Variants in SS18L1 observed in about 807,000 individuals in gnomAD.
SS18L1 encodes the protein SS18L1 subunit of BAF chromatin remodeling complex.
In SS18L1, 32 loss-of-function variants were observed where a neutral mutation model predicts 70.3. That is an observed-to-expected ratio of 0.46 (90% confidence interval 0.34 to 0.61). The LOEUF (loss-of-function observed/expected upper bound fraction) is 0.61. SS18L1 is among the 20% of genes least tolerant of loss of function. SS18L1 has a pLI of 0.01. For synonymous variants in SS18L1, 237 were observed against 229.7 expected, an observed-to-expected ratio of 1.03 and a Z score of -0.29; for missense variants, 430 against 542.1, an observed-to-expected ratio of 0.79 and a Z score of 2.05.
At chr20:62,146,299 C>A (rs1293869655) in intron 1 of SS18L1, among the ~76,000 whole-genome samples, 1 of 152,222 alleles carries the variant, frequency 6.6e-6, no homozygotes, top group Non-Finnish European at 1.5e-5. Flanking sequence ...CTTTGCTGAT[C>A]CCCAGCCTCT....
At position 62,150,633 on chromosome 20, in the gene SS18L1, ATTTTTTTTTTTTTTTTTTT is replaced by A. The variant is rs34708339; in HGVS notation, c.69+6763_69+6781del. Among the ~76,000 whole-genome samples, 270 of 58,058 alleles carry A rather than the reference ATTTTTTTTTTTTTTTTTTT, an allele frequency of 4.7e-3. 17 individuals are homozygous for A. The highest frequency in any genetic ancestry group is 0.036 in the Admixed American group (162 of 4,462). The allele number at this position is 58,058 out of a possible 152,430, so 38.1% of individuals were successfully genotyped here. ...CGGAGCATAAGAAACATTGAGGTGG[ATTTTTTTTTTTTTTTTTTT>A]TTTTTTTTTTTTTTTTTTGGAGACA... On this transcript the variant is annotated intron_variant, in intron 1 of 10. Coordinates refer to ENST00000331758, the MANE Select transcript of SS18L1 (RefSeq NM_198935.3).
chr20:62,163,025 C>A, intron 5 of SS18L1, 94 bp downstream of exon 5: 1 of 1,496,896 alleles, frequency 6.7e-7, no homozygotes, highest in Non-Finnish European at 9.0e-7. Flanking sequence ...GGGGAAGCTG[C>A]CCTCCTGCTG....
chr20:62,149,422 G>A, intron 1 of SS18L1, among the ~76,000 whole-genome samples: 1 of 152,366 alleles, frequency 6.6e-6, no homozygotes, highest in East Asian at 1.9e-4. Context: ...CACCACAGCT[G>A]CTGTGCACAA....
At position 62,158,719 on chromosome 20, in the gene SS18L1, G is replaced by C; in HGVS notation, c.117G>C (p.Gln39His). The C allele has an allele frequency of 1.9e-6, 3 of 1,612,960 alleles. No homozygotes were observed. Among genetic ancestry groups the C allele is most frequent in the Non-Finnish European group, 2.5e-6 (3 of 1,180,034 alleles). ...TGATCCAGTGCATCCTGGAGTACCA[G>C]AGCAAGGGCAAGACGGCCGAGTGCA... ...HHLIQCILEY[Q>H]SKGKTAECTQ... is the part of the protein sequence containing the mutation. The change falls in exon 2 of 11, where the codon CAG (glutamine) becomes CAC (histidine). Residue 39 changes from glutamine to histidine, a missense_variant. Coordinates refer to ENST00000331758, the MANE Select transcript of SS18L1 (RefSeq NM_198935.3). This position sits in a 1 kb window ranked among gnomAD's most constrained non-coding sequence, Gnocchi z 4.5.
At chr20:62,172,547 T>A in intron 8 of SS18L1, 135 bp from the exon 9 acceptor site, 1 of 1,305,988 alleles carries the variant, frequency 7.7e-7, no homozygotes, top group Non-Finnish European at 1.1e-6. Flanking sequence ...TTTGAATGGT[T>A]GTGAAAAAAT....
intron 7 of SS18L1, 35 bp downstream of exon 7, chr20:62,164,281 A>G (rs1324460520): frequency 6.5e-6 from 10 of 1,535,738 alleles, no homozygotes; most frequent in Non-Finnish European, 8.8e-6. Flanking sequence ...CCGCCCAGGA[A>G]CGCAGAGCAG....
In SS18L1 at chr20:62,164,163, T is replaced by G. The variant is rs1053319168; in HGVS notation, c.740T>G (p.Leu247Arg). 20 of 1,549,828 alleles carry G rather than the reference T, an allele frequency of 1.3e-5. No individual in the cohort carries two copies. Among genetic ancestry groups the G allele is most frequent in the Non-Finnish European group, 1.7e-5 (19 of 1,146,564 alleles). ...CCCGCAGGCTCTTCCCAGCAGTACC[T>G]GGGCCAGGAGGAGTACTATGGCGAG... ...PSQQGSSQQYLGQEEYYGEQY... is the reference protein window; with the variant it reads ...PSQQGSSQQYRGQEEYYGEQY... Residue 247 changes from leucine (L) to arginine (R), a missense_variant, in exon 7 of 11, where the codon CTG (leucine) becomes CGG (arginine). Transcript: ENST00000331758.
At chr20:62,144,006 C>A in intron 1 of SS18L1, 117 bp downstream of exon 1, 1 of 618,270 alleles carries the variant, frequency 1.6e-6, no homozygotes, top group South Asian at 6.8e-5. Context: ...CGCAGCCGGG[C>A]GGCCGCGAGC....
chr20:62,153,597 C>G (rs1049286460), intron 1 of SS18L1, among the ~76,000 whole-genome samples: 6 of 152,170 alleles, frequency 3.9e-5, no homozygotes, highest in African/African-American at 9.7e-5. Flanking sequence ...ACACCTTGCT[C>G]ACTGCTGAAC....
chr20:62,179,117 G>T lies in SS18L1; in HGVS notation c.1165-65G>T. 4.4e-6 allele frequency: 7 copies of T among 1,582,898 alleles called. No homozygotes were observed. In the South Asian group the frequency reaches 4.4e-5, roughly 10 times the overall value. ...CCTCCTACCCCCTGTCCGGGCTGGG[G>T]TGGACGTCTGTCTTCCTTTCACTCA... On this transcript the variant is annotated intron_variant, in intron 10 of 10. Transcript: ENST00000331758.
intron 1 of SS18L1, among the ~76,000 whole-genome samples, chr20:62,156,209 G>A (rs994717522): frequency 6.6e-6 from 1 of 152,194 alleles, no homozygotes; most frequent in Non-Finnish European, 1.5e-5. Flanking sequence ...TGTCTAGTTC[G>A]TGTCCCTGGA....
intron 10 of SS18L1, among the ~76,000 whole-genome samples, chr20:62,178,141 CTTTTTTT>C (rs61157167): frequency 0.02 from 1,908 of 97,806 alleles, 21 homozygotes; most frequent in Admixed American, 0.038. Flanking sequence ...GTGGCTTATT[CTTTTTTT>C]TTTTTTTTTT....
At chr20:62,157,903 G>T (rs1601009407) in intron 1 of SS18L1, among the ~76,000 whole-genome samples, 1 of 150,742 alleles carries the variant, frequency 6.6e-6, no homozygotes, top group Admixed American at 6.6e-5. Flanking sequence ...TTCTTCTACC[G>T]GTGGTGCCGT....
At position 62,161,788 on chromosome 20, in the gene SS18L1, G is replaced by T. The variant is rs1332103248; in HGVS notation, c.376+208G>T. Among the ~76,000 whole-genome samples the T allele has an allele frequency of 2.0e-5, 3 of 152,254 alleles. No individual in the cohort carries two copies. ...GCGGCTGGGCTGAGCCCCTGCTCCAGTTGTCCACTCTCTCTGACACTGTCA... is the reference window on the plus strand; with the variant it reads ...GCGGCTGGGCTGAGCCCCTGCTCCATTTGTCCACTCTCTCTGACACTGTCA... On this transcript the variant is annotated intron_variant, in intron 4 of 10. Transcript: ENST00000331758. This position sits in a 1 kb window ranked among gnomAD's most constrained non-coding sequence, Gnocchi z 4.4.
rs1016743224 is a variant in SS18L1 at position 62,159,618 on chromosome 20, C to T, written c.147-259C>T. Among the ~76,000 whole-genome samples, 21 of 152,134 alleles carry T rather than the reference C, an allele frequency of 1.4e-4. No homozygotes were observed. The highest frequency in any genetic ancestry group is 3.6e-4 in the African/African-American group (15 of 41,432). ...AATGCCAGCTTCCGCTTAGCTGTTA[C>T]CTTAGAGTCTTTCCAGAGTTTTTGT... On this transcript the variant is annotated intron_variant, in intron 2 of 10. Coordinates refer to ENST00000331758, the MANE Select transcript of SS18L1 (RefSeq NM_198935.3). This position sits in a 1 kb window ranked among gnomAD's most constrained non-coding sequence, Gnocchi z 4.4.
rs923999188 is a variant in SS18L1 at position 62,158,370 on chromosome 20, A to G, written c.70-302A>G. The stretch of plus-strand genomic sequence containing the variant: ...GTAACGACAGTTTCGTATACAGAAC[A>G]GGCGTAGCATCCGAGATCTGGAAAT... On this transcript the variant is annotated intron_variant, in intron 1 of 10. Coordinates refer to ENST00000331758, the MANE Select transcript of SS18L1 (RefSeq NM_198935.3). The surrounding 1 kb of genome is among the most constrained non-coding windows in gnomAD (Gnocchi z 4.5). Among the ~76,000 whole-genome samples the G allele has an allele frequency of 1.3e-5, 2 of 151,396 alleles. No homozygotes were observed. Among genetic ancestry groups the G allele is most frequent in the Non-Finnish European group, 2.9e-5 (2 of 67,930 alleles).
chr20:62,143,913 G>T, intron 1 of SS18L1, 24 bp downstream of exon 1: 1 of 1,048,922 alleles, frequency 9.5e-7, no homozygotes. Flanking sequence ...GAGCGGCGGC[G>T]CTGGGCGGCG....
At chr20:62,166,345 A>G (rs2057431163) in intron 8 of SS18L1, among the ~76,000 whole-genome samples, 1 of 152,238 alleles carries the variant, frequency 6.6e-6, no homozygotes, top group Admixed American at 6.5e-5. Flanking sequence ...GCAATTTATC[A>G]AGAGGTAACA....
chr20:62,165,156 G>A (rs562729764), intron 7 of SS18L1, among the ~76,000 whole-genome samples: 1 of 152,368 alleles, frequency 6.6e-6, no homozygotes, highest in African/African-American at 2.4e-5. Context: ...GCATGGCTGT[G>A]TGGCAGGCAC....
Sources: allele counts gnomAD v4.1 joint callset (sites outside exome capture counted in the v4.1 genomes callset), GRCh38; gene constraint gnomAD v4.1.1; non-coding constraint Gnocchi (gnomAD v3.1); transcripts MANE v1.5; gene names NCBI Gene and HGNC (gene_info 2026-07-23, HGNC 2026-07-21).